Variants in LRRC4C observed in about 807,000 individuals in gnomAD.
LRRC4C encodes the protein leucine-rich repeat-containing protein 4C.
Under a neutral mutation model 33.6 loss-of-function variants are expected in LRRC4C, and 5 were observed. The ratio of observed to expected loss-of-function variants is 0.15; its 90% CI spans 0.08 to 0.31. The LOEUF is 0.31. Ranked by LOEUF, LRRC4C falls within the 10% of genes least tolerant of loss-of-function variation. The probability of loss-of-function intolerance (pLI) is 1.00; values close to 1 mark genes in which losing one functional copy is unlikely to be tolerated. For synonymous variants in LRRC4C, 329 were observed against 302.0 expected, an observed-to-expected ratio of 1.09 and a Z score of -0.93; for missense variants, 560 against 796.7, an observed-to-expected ratio of 0.70 and a Z score of 3.58.
At chr11:40,767,251 G>A (rs1366901026) in intron 2 of LRRC4C, among the ~76,000 whole-genome samples, 1 of 151,802 alleles carries the variant, frequency 6.6e-6, no homozygotes, top group Non-Finnish European at 1.5e-5. Context: ...TAATAACAAA[G>A]GTGTCAATTC....
chr11:40,854,892 C>T (rs568248633), intron 2 of LRRC4C, among the ~76,000 whole-genome samples: 1 of 152,114 alleles, frequency 6.6e-6, no homozygotes, highest in African/African-American at 2.4e-5. Context: ...AATTAGAGAT[C>T]ACTTTCACAT....
intron 3 of LRRC4C, among the ~76,000 whole-genome samples, chr11:40,480,808 T>C (rs1454692687): frequency 1.3e-5 from 2 of 152,028 alleles, no homozygotes; most frequent in Admixed American, 6.6e-5. Context: ...AAATACAATA[T>C]GCTAAGTGAA....
intron 1 of LRRC4C, among the ~76,000 whole-genome samples, chr11:41,373,507 G>A (rs1020504287): frequency 6.6e-6 from 1 of 152,130 alleles, no homozygotes; most frequent in African/African-American, 2.4e-5. Context: ...TTGGGAGTCT[G>A]TGTTGTTGAC....
In LRRC4C at chr11:40,890,416, T is replaced by C. The variant is rs1565173672; in HGVS notation, c.-407+43219A>G. 2.0e-5 allele frequency among the ~76,000 whole-genome samples: 3 copies of C among 152,234 alleles called. No homozygotes were observed. The East Asian group carries it at 5.8e-4, about 30-fold the overall frequency. Reference sequence around the variant, plus strand: ...CTGTCATGATTATAAACTCACTGCCTCAGTAACAACAGTAATCCACTCATG... The same window carrying C: ...CTGTCATGATTATAAACTCACTGCCCCAGTAACAACAGTAATCCACTCATG... On this transcript the variant is annotated intron_variant, in intron 2 of 6. Coordinates refer to ENST00000528697, the MANE Select transcript of LRRC4C (RefSeq NM_001258419.2).
intron 5 of LRRC4C, among the ~76,000 whole-genome samples, chr11:40,149,966 C>T (rs1159749353): frequency 6.6e-6 from 1 of 152,076 alleles, no homozygotes; most frequent in Non-Finnish European, 1.5e-5. Context: ...AGAAATGTAT[C>T]CTTCTGCAGT....
intron 3 of LRRC4C, among the ~76,000 whole-genome samples, chr11:40,616,078 C>T (rs1467098315): frequency 2.0e-5 from 3 of 151,878 alleles, no homozygotes; most frequent in Non-Finnish European, 4.4e-5. Flanking sequence ...AAACAAACAA[C>T]CCCATCAAAA....
At chr11:41,237,082 A>C (rs950661222) in intron 1 of LRRC4C, among the ~76,000 whole-genome samples, 7 of 152,220 alleles carry the variant, frequency 4.6e-5, no homozygotes, top group African/African-American at 1.7e-4. Flanking sequence ...AGATGAACCT[A>C]AAATGTTTCT....
chr11:40,766,866 G>A (rs955622751), intron 2 of LRRC4C, among the ~76,000 whole-genome samples: 3 of 151,446 alleles, frequency 2.0e-5, no homozygotes, highest in Non-Finnish European at 4.4e-5. Flanking sequence ...GGGAGGGAAG[G>A]GGAGGGAAGG....
At chr11:40,733,138 A>C (rs1192958384) in intron 2 of LRRC4C, among the ~76,000 whole-genome samples, 5 of 121,418 alleles carry the variant, frequency 4.1e-5, no homozygotes, top group Non-Finnish European at 6.3e-5. Context: ...TAGCGTGGCG[A>C]GATCTCGGCT....
At chr11:40,913,814 G>A (rs1009185548) in intron 2 of LRRC4C, among the ~76,000 whole-genome samples, 1 of 151,970 alleles carries the variant, frequency 6.6e-6, no homozygotes, top group Non-Finnish European at 1.5e-5. Context: ...GACTAATAAA[G>A]AAGAAAAGAG....
intron 3 of LRRC4C, among the ~76,000 whole-genome samples, chr11:40,444,368 T>TA (rs58706254): frequency 8.0e-5 from 12 of 150,188 alleles, no homozygotes; most frequent in African/African-American, 2.9e-4. Context: ...CTTTTTTTTT[T>TA]AAATTTATTT....
chr11:40,996,274 C>T (rs55985956), intron 1 of LRRC4C, among the ~76,000 whole-genome samples: 1 of 152,048 alleles, frequency 6.6e-6, no homozygotes. Flanking sequence ...ACAATGGACC[C>T]TAATTTTCTC....
intron 1 of LRRC4C, among the ~76,000 whole-genome samples, chr11:41,314,802 A>AT (rs1950739815): frequency 6.6e-6 from 1 of 151,232 alleles, no homozygotes; most frequent in Non-Finnish European, 1.5e-5. Context: ...TATAATAATA[A>AT]AAAAAAAACT....
chr11:41,323,066 T>G (rs1951004732), intron 1 of LRRC4C, among the ~76,000 whole-genome samples: 1 of 152,206 alleles, frequency 6.6e-6, no homozygotes, highest in African/African-American at 2.4e-5. Flanking sequence ...CAATATTATC[T>G]GACATCAGAA....
At chr11:41,159,320 A>G (rs1350781208) in intron 1 of LRRC4C, among the ~76,000 whole-genome samples, 2 of 152,040 alleles carry the variant, frequency 1.3e-5, no homozygotes, top group Non-Finnish European at 2.9e-5. Context: ...AAAATAAAAC[A>G]TTAAAATTAA....
At position 40,352,882 on chromosome 11, in the gene LRRC4C, C is replaced by G. The variant is rs1565304393; in HGVS notation, c.-269-33161G>C. 7.9e-5 allele frequency among the ~76,000 whole-genome samples: 12 copies of G among 152,266 alleles called. No homozygotes were observed. In the South Asian group the frequency reaches 2.3e-3, roughly 29 times the overall value. The stretch of plus-strand genomic sequence containing the variant: ...AGATAAAAGAGTTTTTCCTTCAGCA[C>G]TTTTAATATGTTATGCCACTCTTGC... On this transcript the variant is annotated intron_variant, in intron 3 of 6. Transcript: ENST00000528697.
chr11:41,415,317 G>C (rs1954635930), intron 1 of LRRC4C, among the ~76,000 whole-genome samples: 1 of 152,114 alleles, frequency 6.6e-6, no homozygotes. Context: ...AGATAGTCCA[G>C]GGAGTGAATG....
At chr11:40,918,214 T>C (rs570208627) in intron 2 of LRRC4C, among the ~76,000 whole-genome samples, 1 of 152,220 alleles carries the variant, frequency 6.6e-6, no homozygotes, top group Admixed American at 6.6e-5. Context: ...TAAGCTTCTG[T>C]GCATTTTTAT....
intron 1 of LRRC4C, among the ~76,000 whole-genome samples, chr11:40,990,505 A>G (rs1276985520): frequency 6.6e-6 from 1 of 152,042 alleles, no homozygotes; most frequent in African/African-American, 2.4e-5. Context: ...GACTCTGTGC[A>G]TTAATCACTG....
Sources: gnomAD v4.1 joint callset for allele counts (sites outside exome capture counted in the v4.1 genomes callset) on GRCh38, gnomAD v4.1.1 for gene constraint, MANE v1.5 for transcripts, NCBI Gene and HGNC (gene_info 2026-07-23, HGNC 2026-07-21) for gene names.